FAT3: variants seen among roughly 807,000 people sequenced by gnomAD.
FAT3 encodes protocadherin Fat 3.
Under a neutral mutation model 310.2 loss-of-function variants are expected in FAT3, and 95 were observed. That is an observed-to-expected ratio of 0.31 (90% CI 0.26 to 0.36). The LOEUF is 0.36. Ranked by LOEUF, FAT3 falls within the 10% of genes least tolerant of loss-of-function variation. The pLI is 1.00. For synonymous variants in FAT3, 2,314 were observed against 2,192.9 expected, an observed-to-expected ratio of 1.06 and a Z score of -1.54; for missense variants, 5,408 against 5,715.6, an observed-to-expected ratio of 0.95 and a Z score of 1.74.
chr11:92,276,555 G>A (rs565067929), intron 1 of FAT3, among the ~76,000 whole-genome samples: 2 of 152,074 alleles, frequency 1.3e-5, no homozygotes, highest in African/African-American at 4.8e-5. Context: ...CGTGACACTA[G>A]GTTTAAAAGG....
chr11:92,869,940 T>C (rs887625585), intron 22 of FAT3, among the ~76,000 whole-genome samples: 5 of 152,170 alleles, frequency 3.3e-5, no homozygotes, highest in Non-Finnish European at 7.3e-5. Flanking sequence ...GGGCTAGAGA[T>C]AGTAGAAGGA....
At chr11:92,380,109 G>GTGTGTT (rs1371861287) in intron 2 of FAT3, among the ~76,000 whole-genome samples, 1 of 147,250 alleles carries the variant, frequency 6.8e-6, no homozygotes, top group Non-Finnish European at 1.5e-5. Context: ...GTGTGTGTGT[G>GTGTGTT]TTCAATGAAG....
At chr11:92,524,545 T>A (rs1245941327) in intron 2 of FAT3, 89 bp from the exon 3 acceptor site, 1 of 1,274,560 alleles carries the variant, frequency 7.8e-7, no homozygotes, top group Non-Finnish European at 1.1e-6. Context: ...TATGCCAAGA[T>A]TATTTAGTGT....
chr11:92,487,738 C>T (rs1952462268), intron 2 of FAT3, among the ~76,000 whole-genome samples: 1 of 152,182 alleles, frequency 6.6e-6, no homozygotes, highest in African/African-American at 2.4e-5. Flanking sequence ...CAATGTTAAA[C>T]TGTATAATCT....
chr11:92,284,939 G>A (rs183694818), intron 1 of FAT3, among the ~76,000 whole-genome samples: 32 of 152,282 alleles, frequency 2.1e-4, no homozygotes, highest in Non-Finnish European at 3.7e-4. Flanking sequence ...TCAGAAACAG[G>A]AGTTTTCGTC....
intron 1 of FAT3, among the ~76,000 whole-genome samples, chr11:92,346,850 C>T (rs1347483077): frequency 1.3e-5 from 2 of 152,070 alleles, no homozygotes; most frequent in African/African-American, 4.8e-5. Flanking sequence ...ACATTCTTTC[C>T]TTTACCTTTG....
chr11:92,469,108 A>G (rs994664432), intron 2 of FAT3, among the ~76,000 whole-genome samples: 2 of 152,150 alleles, frequency 1.3e-5, no homozygotes, highest in African/African-American at 4.8e-5. Context: ...CATAGGGCTG[A>G]TCAAGGTCAT....
At chr11:92,254,596 G>A (rs2054220) in intron 1 of FAT3, among the ~76,000 whole-genome samples, 35,389 of 152,022 alleles carry the variant, frequency 0.23, 4,602 homozygotes, top group East Asian at 0.38. Flanking sequence ...GTTAGGCTAG[G>A]AAGTAGAAAA....
chr11:92,492,245 AT>A (rs1248426221), intron 2 of FAT3, among the ~76,000 whole-genome samples: 7 of 83,770 alleles, frequency 8.4e-5, no homozygotes, highest in African/African-American at 2.1e-4. Flanking sequence ...ATATATTTCC[AT>A]CCATCCATCC....
chr11:92,264,998 G>T (rs758371199), intron 1 of FAT3, among the ~76,000 whole-genome samples: 2 of 151,488 alleles, frequency 1.3e-5, no homozygotes, highest in Admixed American at 6.6e-5. Context: ...TCTGTTGGGG[G>T]TTTTTTAGCA....
intron 9 of FAT3, among the ~76,000 whole-genome samples, chr11:92,795,682 A>G (rs1445069649): frequency 6.6e-6 from 1 of 152,058 alleles, no homozygotes; most frequent in Non-Finnish European, 1.5e-5. Context: ...AGGCCAAGGC[A>G]GGTGGATCAC....
At chr11:92,489,250 G>A (rs886642924) in intron 2 of FAT3, among the ~76,000 whole-genome samples, 5 of 152,034 alleles carry the variant, frequency 3.3e-5, no homozygotes, top group Non-Finnish European at 7.4e-5. Context: ...TAGCACTTAG[G>A]GCAGTACCTG....
intron 21 of FAT3, among the ~76,000 whole-genome samples, chr11:92,865,856 G>C (rs1416918799): frequency 6.6e-6 from 1 of 152,184 alleles, no homozygotes; most frequent in Non-Finnish European, 1.5e-5. Context: ...CCTGGGATTA[G>C]CCTCCCGGGC....
intron 1 of FAT3, among the ~76,000 whole-genome samples, chr11:92,235,392 T>G (rs567712574): frequency 6.6e-6 from 1 of 152,330 alleles, no homozygotes. Flanking sequence ...CAGGTCCCCC[T>G]ACACTTTGTG....
chr11:92,455,571 G>T (rs1951474426), intron 2 of FAT3, among the ~76,000 whole-genome samples: 1 of 152,142 alleles, frequency 6.6e-6, no homozygotes, highest in South Asian at 2.1e-4. Context: ...TGTATGACAT[G>T]ACTCTGGGTG....
chr11:92,789,112 C>G (rs576716020), intron 7 of FAT3, among the ~76,000 whole-genome samples: 1 of 152,224 alleles, frequency 6.6e-6, no homozygotes. Flanking sequence ...ACTCTTTTCT[C>G]TGTTTAGGTG....
chr11:92,653,963 T>C (rs1942480662), intron 3 of FAT3, among the ~76,000 whole-genome samples: 1 of 152,228 alleles, frequency 6.6e-6, no homozygotes, highest in Admixed American at 6.5e-5. Flanking sequence ...TTCTAAGCTT[T>C]TCCATCTTTA....
intron 2 of FAT3, among the ~76,000 whole-genome samples, chr11:92,494,423 T>C (rs904757599): frequency 6.6e-6 from 1 of 151,952 alleles, no homozygotes; most frequent in Non-Finnish European, 1.5e-5. Flanking sequence ...AATATATGAG[T>C]GAATTTCATG....
intron 21 of FAT3, among the ~76,000 whole-genome samples, chr11:92,861,685 T>C (rs556296063): frequency 6.6e-6 from 1 of 152,362 alleles, no homozygotes; most frequent in Admixed American, 6.5e-5. Context: ...CTATTGCAGT[T>C]ATTCTCCTAC....
Sources: allele counts gnomAD v4.1 joint callset (sites outside exome capture counted in the v4.1 genomes callset), GRCh38; gene constraint gnomAD v4.1.1; transcripts MANE v1.5; gene names NCBI Gene and HGNC (gene_info 2026-07-23, HGNC 2026-07-21).